Variants in POLG observed in about 807,000 individuals in gnomAD.
The protein encoded by POLG is DNA polymerase gamma, catalytic subunit.
POLG carries 110 observed loss-of-function variants against 155.4 expected under a neutral mutation model. That is an observed-to-expected ratio of 0.71 (90% CI 0.61 to 0.83). The LOEUF is 0.83. Among genes scored for constraint, POLG ranks in the 40% least tolerant of loss-of-function variants. The pLI is 0.00. For synonymous variants in POLG, 701 were observed against 631.5 expected, an observed-to-expected ratio of 1.11 and a Z score of -1.65; for missense variants, 1,685 against 1,627.5, an observed-to-expected ratio of 1.04 and a Z score of -0.61.
intron 2 of POLG, among the ~76,000 whole-genome samples, chr15:89,332,793 G>A (rs911833253): frequency 2.0e-5 from 3 of 152,028 alleles, no homozygotes; most frequent in African/African-American, 4.8e-5. Context: ...TAGGAGAGGG[G>A]GTAAAGGCAC....
intron 13 of POLG, among the ~76,000 whole-genome samples, chr15:89,323,110 A>G (rs1360567671): frequency 6.6e-6 from 1 of 152,242 alleles, no homozygotes; most frequent in Non-Finnish European, 1.5e-5. Flanking sequence ...GACACAAGCA[A>G]ACCTGGCTCC....
chr15:89,326,764 G>A (rs974500502), intron 8 of POLG, 26 bp from the exon 9 acceptor site: 9 of 1,614,064 alleles, frequency 5.6e-6, no homozygotes, highest in Non-Finnish European at 5.9e-6. Context: ...AAGACAATCA[G>A]GAGCAGGAGA....
rs1596363778 is a variant in POLG at position 89,334,769 on chromosome 15, C to G, written c.-256G>C. On this transcript the variant is annotated 5_prime_UTR_variant, in exon 1 of 23. Coordinates refer to ENST00000268124, the MANE Select transcript of POLG (RefSeq NM_002693.3). The stretch of plus-strand genomic sequence containing the variant: ...CGCGGCCTACGCAGCCTCGGGGTAG[C>G]GTGTGGCCTCCACCCGGCCGGTCCG... 1.3e-5 allele frequency: 2 copies of G among 152,488 alleles called. No homozygotes were observed. Among genetic ancestry groups the G allele is most frequent in the African/African-American group, 4.8e-5 (2 of 41,594 alleles). 9.4% of individuals were successfully genotyped at this position (152,488 alleles called of 1,614,324 possible).
At chr15:89,323,708 A>G in intron 12 of POLG, 107 bp downstream of exon 12, 1 of 1,014,410 alleles carries the variant, frequency 9.9e-7, no homozygotes, top group Non-Finnish European at 1.6e-6. Context: ...GGCATCTCCA[A>G]CCCCCTTAAG....
rs1238736487 is a variant in POLG, at chr15:89,333,328, C to T, written c.427G>A (p.Ala143Thr). 5 of 1,559,488 alleles carry T rather than the reference C, an allele frequency of 3.2e-6. No individual in the cohort carries two copies. Among genetic ancestry groups the T allele is most frequent in the Non-Finnish European group, 4.3e-6 (5 of 1,152,828 alleles). ...DNLDQHFRLL[A>T]QKQSLPYLEA... ...AGGTAGGGCAGGCTCTGCTTCTGGG[C>T]CAGGAGGCGGAAGTGCTGGTCCAGG... Residue 143 changes from alanine (A) to threonine (T), a missense_variant, in exon 2 of 23, where the codon GCC becomes ACC. Ala to Thr is a moderately conservative substitution (Grantham distance 58). Around this residue, in one of 3 missense-constraint regions of POLG, gnomAD observed 1,210 missense variants for 1,167.1 expected, o/e 1.04. Transcript: ENST00000268124.
At position 89,321,113 on chromosome 15, in the gene POLG, G is replaced by C. The variant is rs200538184; in HGVS notation, c.2734+12C>G. On this transcript the variant is annotated intron_variant, in intron 17 of 22. Coordinates refer to ENST00000268124, the MANE Select transcript of POLG (RefSeq NM_002693.3). ...GAGGGGCTGGGCTGCCCCAACCCCG[G>C]CTCCTGCTCACCATGCATGCCGGCA... The C allele has an allele frequency of 3.1e-6, 5 of 1,614,184 alleles. No individual in the cohort carries two copies. The Middle Eastern group carries it at 4.9e-4, about 160-fold the overall frequency.
At position 89,326,938 on chromosome 15, in the gene POLG, G is replaced by T. The variant is rs763550865; in HGVS notation, c.1559C>A (p.Ala520Asp). 3 of 1,614,108 alleles carry T rather than the reference G, an allele frequency of 1.9e-6. No homozygotes were observed. The highest frequency in any genetic ancestry group is 1.3e-5 in the African/African-American group (1 of 75,026). Residue 520 changes from alanine (A) to aspartate (D), a missense_variant, in exon 8 of 23, where the codon GCC becomes GAC. By Grantham distance (126) the Ala-to-Asp change is moderately radical (BLOSUM62 -2). Transcript: ENST00000268124. Reference sequence around the variant, plus strand: ...TTCCTGATCCATGGGATCACCAGGGGCCCCAGCCCCCTCGATGGGCAACTT... The same window carrying T: ...TTCCTGATCCATGGGATCACCAGGGTCCCCAGCCCCCTCGATGGGCAACTT... Reference protein sequence around the residue: ...ASKLPIEGAGAPGDPMDQEDL... With the variant: ...ASKLPIEGAGDPGDPMDQEDL...
At position 89,322,255 on chromosome 15, in the gene POLG, G is replaced by A. The variant is rs3176207; in HGVS notation, c.2427-240C>T. ...TCCGAGCGAGCTTCCGCTCCTCTCC[G>A]GGGGGCATCCATGAGGCGCTCCTTC... On this transcript the variant is annotated intron_variant, in intron 14 of 22. Transcript: ENST00000268124. Among the ~76,000 whole-genome samples the A allele has an allele frequency of 0.04, 6,143 of 152,184 alleles. 382 individuals carry two copies. Among genetic ancestry groups the A allele is most frequent in the African/African-American group, 0.14 (5,652 of 41,524 alleles).
At position 89,334,016 on chromosome 15, in the gene POLG, C is replaced by T. The variant is rs543251509; in HGVS notation, c.-159-103G>A. 7.3e-6 allele frequency: 4 copies of T among 546,456 alleles called. No individual in the cohort carries two copies. In the East Asian group the frequency reaches 1.3e-4, roughly 18 times the overall value. 33.9% of individuals were successfully genotyped at this position (546,456 alleles called of 1,614,324 possible). ...ATTTACTGCGTCCCCAACACTGTGC[C>T]AGGCGCTTCAGTTGCATTTTCCGTT... On this transcript the variant is annotated intron_variant, in intron 1 of 22. Transcript: ENST00000268124.
rs760168164 is a variant in POLG at position 89,328,732 on chromosome 15, C to A, written c.1123G>T (p.Glu375Ter). The A allele has an allele frequency of 1.2e-6, 2 of 1,614,176 alleles. No homozygotes were observed. Among genetic ancestry groups the A allele is most frequent in the South Asian group, 2.2e-5 (2 of 91,090 alleles). ...GGPPLEKEPRELFVKGTMKDI... is the reference protein window; with the variant it reads ...GGPPLEKEPR Reference sequence around the variant, plus strand: ...TTCATGGTGCCCTTCACAAACAGTTCTCGAGGCTCCTTCTCTAAGGGAGGC... The same window carrying A: ...TTCATGGTGCCCTTCACAAACAGTTATCGAGGCTCCTTCTCTAAGGGAGGC... Residue 375 changes from glutamate to a stop codon, truncating the protein, a stop_gained, in exon 5 of 23, where the codon GAA becomes TAA. Coordinates refer to ENST00000268124, the MANE Select transcript of POLG (RefSeq NM_002693.3). LOFTEE classifies it high-confidence loss of function.
In POLG at chr15:89,316,769, T is replaced by TC. The variant is rs1314985986; in HGVS notation, c.3701dup (p.Ser1235LysfsTer48). On this transcript the variant is annotated frameshift_variant, in exon 23 of 23. Coordinates refer to ENST00000268124, the MANE Select transcript of POLG (RefSeq NM_002693.3). LOFTEE classifies it high-confidence loss of function. ...GGCAGTGCTATGGTCCAGGCTGGCT[T>TC]CGTTTTTCCAAGGAGCCTTTGGTGA... 6.2e-7 allele frequency: 1 copy of TC among 1,613,790 alleles called. No homozygotes were observed. Among genetic ancestry groups the TC allele is most frequent in the South Asian group, 1.1e-5 (1 of 91,074 alleles).
At chr15:89,330,702 A>G (rs1230490651) in intron 2 of POLG, among the ~76,000 whole-genome samples, 2 of 152,022 alleles carry the variant, frequency 1.3e-5, no homozygotes, top group East Asian at 3.9e-4. Flanking sequence ...ACAATAACAG[A>G]ACCCAAGGTG....
At chr15:89,327,142 T>C (rs1366934518) in intron 7 of POLG, 25 bp downstream of exon 7, 13 of 1,614,208 alleles carry the variant, frequency 8.1e-6, no homozygotes, top group Non-Finnish European at 1.1e-5. Context: ...CCTGCCTAGA[T>C]CCTGCCCACC....
Position 89,317,745 on chromosome 15 carries a change from A to G in POLG, c.3483-209T>C, listed in dbSNP as rs556597947. On this transcript the variant is annotated intron_variant, in intron 21 of 22. Transcript: ENST00000268124. ...CCCACTGAGATACTGAAATGCAATTATGGACTCAACATACTTTTTTTTTTT... is the reference window on the plus strand; with the variant it reads ...CCCACTGAGATACTGAAATGCAATTGTGGACTCAACATACTTTTTTTTTTT... 8 of 588,644 alleles carry G rather than the reference A, an allele frequency of 1.4e-5. No individual in the cohort carries two copies. The African/African-American group carries it at 1.6e-4, about 11-fold the overall frequency. 36.5% of individuals were successfully genotyped at this position (588,644 alleles called of 1,614,324 possible).
chr15:89,320,459 G>A (rs776139349), intron 18 of POLG, among the ~76,000 whole-genome samples: 15 of 152,282 alleles, frequency 9.9e-5, no homozygotes, highest in Middle Eastern at 3.4e-3. Flanking sequence ...AGGCATCTGA[G>A]TTTGCAACCC....
At position 89,316,383 on chromosome 15, in the gene POLG, C is replaced by T. The variant is rs148365638; in HGVS notation, c.*368G>A. 1.9e-6 allele frequency: 3 copies of T among 1,606,520 alleles called. No homozygotes were observed. Among genetic ancestry groups the T allele is most frequent in the African/African-American group, 2.7e-5 (2 of 74,696 alleles). On this transcript the variant is annotated 3_prime_UTR_variant, in exon 23 of 23. Coordinates refer to ENST00000268124, the MANE Select transcript of POLG (RefSeq NM_002693.3). Reference sequence around the variant, plus strand: ...GGTTTATCACGTTAGAGCATTAATTCTTTCCCCTTCTAGGGCACTGCATCA... The same window carrying T: ...GGTTTATCACGTTAGAGCATTAATTTTTTCCCCTTCTAGGGCACTGCATCA...
chr15:89,318,658 T>G lies in POLG; in HGVS notation c.3365A>C (p.Glu1122Ala). The G allele has an allele frequency of 6.2e-7, 1 of 1,614,122 alleles. No homozygotes were observed. Among genetic ancestry groups the G allele is most frequent in the Non-Finnish European group, 8.5e-7 (1 of 1,179,986 alleles). The change falls in exon 21 of 23, where the codon GAG becomes GCG. Residue 1122 changes from glutamate to alanine, a missense_variant. Coordinates refer to ENST00000268124, the MANE Select transcript of POLG (RefSeq NM_002693.3). The stretch of plus-strand genomic sequence containing the variant: ...GCAGAAGCGCCCATCTATGGCAAAC[T>G]CTTCAAACAGCCACTTCATGGCCAC... ...MLVAMKWLFE[E>A]FAIDGRFCIS...
In POLG at chr15:89,333,479, C is replaced by T. The variant is rs1008296396; in HGVS notation, c.276G>A (p.Gly92=). ...GLHEQIFGQG[G]EMPGEAAVRR... Reference sequence around the variant, plus strand: ...GCACCGCGGCCTCGCCAGGCATCTCCCCTCCTTGCCCGAAGATTTGCTCGT... The same window carrying T: ...GCACCGCGGCCTCGCCAGGCATCTCTCCTCCTTGCCCGAAGATTTGCTCGT... The change falls in exon 2 of 23, where the codon GGG becomes GGA. Residue 92 remains glycine (G), a synonymous_variant. Coordinates refer to ENST00000268124, the MANE Select transcript of POLG (RefSeq NM_002693.3). The T allele has an allele frequency of 3.7e-6, 6 of 1,612,386 alleles. No individual in the cohort carries two copies. The African/African-American group carries it at 5.3e-5, about 14-fold the overall frequency.
chr15:89,332,925 C>T (rs921905563), intron 2 of POLG, among the ~76,000 whole-genome samples, 171 bp downstream of exon 2: 2 of 152,182 alleles, frequency 1.3e-5, no homozygotes, highest in Non-Finnish European at 2.9e-5. Context: ...CTGTGATCTT[C>T]CCACCAGAAA....
Sources: gnomAD v4.1 joint callset for allele counts (sites outside exome capture counted in the v4.1 genomes callset) on GRCh38, gnomAD v4.1.1 for gene constraint, gnomAD v4.1.1 regional missense constraint, MANE v1.5 for transcripts, NCBI Gene and HGNC (gene_info 2026-07-23, HGNC 2026-07-21) for gene names.